The following LDLRAD3 variants were observed in gnomAD, a reference collection of about 807,000 sequenced individuals.
The protein encoded by LDLRAD3 is low density lipoprotein receptor class A domain containing 3, also known as low-density lipoprotein receptor class A domain-containing protein 3.
Under a neutral mutation model 29.4 loss-of-function variants are expected in LDLRAD3, and 20 were observed. The ratio of observed to expected loss-of-function variants is 0.68; its 90% CI spans 0.48 to 0.99. The LOEUF is 0.99. Among genes scored for constraint, LDLRAD3 ranks in the 50% least tolerant of loss-of-function variants. The probability of loss-of-function intolerance (pLI) is 0.00; values close to 1 mark genes in which losing one functional copy is unlikely to be tolerated. For synonymous variants in LDLRAD3, 157 were observed against 192.7 expected, an observed-to-expected ratio of 0.81 and a Z score of 1.53; for missense variants, 420 against 454.3, an observed-to-expected ratio of 0.92 and a Z score of 0.69.
intron 4 of LDLRAD3, among the ~76,000 whole-genome samples, chr11:36,108,943 G>T (rs1853569730): frequency 6.6e-6 from 1 of 152,046 alleles, no homozygotes; most frequent in African/African-American, 2.4e-5. Context: ...ATTACTAAGA[G>T]GAAACATCAG....
intron 1 of LDLRAD3, among the ~76,000 whole-genome samples, chr11:35,955,451 A>G (rs1851189568): frequency 6.6e-6 from 1 of 152,182 alleles, no homozygotes; most frequent in Non-Finnish European, 1.5e-5. Context: ...ATGTAAAGCA[A>G]AATGTTACTC....
intron 1 of LDLRAD3, among the ~76,000 whole-genome samples, chr11:36,023,472 G>A (rs912908503): frequency 2.6e-5 from 4 of 152,172 alleles, no homozygotes; most frequent in African/African-American, 9.7e-5. Flanking sequence ...GCTAGCTCCA[G>A]CACTGCCTTT....
At chr11:36,095,693 A>G (rs571533505) in intron 3 of LDLRAD3, among the ~76,000 whole-genome samples, 5 of 152,212 alleles carry the variant, frequency 3.3e-5, no homozygotes, top group Non-Finnish European at 7.3e-5. Context: ...TCTAAGACTG[A>G]AGGAAAAGTA....
intron 4 of LDLRAD3, among the ~76,000 whole-genome samples, chr11:36,212,982 AG>A (rs911978235): frequency 6.6e-6 from 1 of 152,198 alleles, no homozygotes; most frequent in African/African-American, 2.4e-5. Context: ...GAAAATTTCC[AG>A]GGAAGTGTCT....
intron 1 of LDLRAD3, among the ~76,000 whole-genome samples, chr11:36,009,916 G>A (rs573904265): frequency 3.1e-4 from 47 of 152,212 alleles, no homozygotes; most frequent in Non-Finnish European, 6.3e-4. Flanking sequence ...ACTCATGATC[G>A]GATTCTACTC....
intron 3 of LDLRAD3, among the ~76,000 whole-genome samples, chr11:36,084,453 T>C (rs1272926155): frequency 6.6e-6 from 1 of 152,094 alleles, no homozygotes; most frequent in Non-Finnish European, 1.5e-5. Flanking sequence ...ACCCCATCCC[T>C]ATAAAAATAA....
At chr11:36,152,415 G>A (rs777382700) in intron 4 of LDLRAD3, among the ~76,000 whole-genome samples, 1 of 152,186 alleles carries the variant, frequency 6.6e-6, no homozygotes, top group Non-Finnish European at 1.5e-5. Context: ...CACACAGCTC[G>A]TTAGCGATAG....
At chr11:36,136,859 T>G (rs1854011850) in intron 4 of LDLRAD3, among the ~76,000 whole-genome samples, 1 of 152,036 alleles carries the variant, frequency 6.6e-6, no homozygotes, top group African/African-American at 2.4e-5. Flanking sequence ...GCTGGCTAAT[T>G]TTTGTATTTT....
At chr11:35,960,425 C>T (rs975397673) in intron 1 of LDLRAD3, among the ~76,000 whole-genome samples, 2 of 152,206 alleles carry the variant, frequency 1.3e-5, no homozygotes, top group African/African-American at 4.8e-5. Context: ...TGCACGTTTT[C>T]AACCTGAGTA....
intron 1 of LDLRAD3, among the ~76,000 whole-genome samples, chr11:35,954,372 C>G (rs80288397): frequency 0.011 from 1,687 of 152,276 alleles, 53 homozygotes; most frequent in East Asian, 0.11. Flanking sequence ...GAATTCTTCT[C>G]TTTTCCTGTG....
At chr11:36,224,010 G>A (rs1019458825) in intron 4 of LDLRAD3, among the ~76,000 whole-genome samples, 1 of 151,202 alleles carries the variant, frequency 6.6e-6, no homozygotes, top group East Asian at 1.9e-4. Flanking sequence ...AAGCGCCACT[G>A]AACTGTGCAC....
At chr11:36,028,189 A>C (rs1852191607) in intron 1 of LDLRAD3, among the ~76,000 whole-genome samples, 1 of 152,240 alleles carries the variant, frequency 6.6e-6, no homozygotes, top group Admixed American at 6.5e-5. Flanking sequence ...CTGTTTAGAT[A>C]AATTCACAGA....
intron 2 of LDLRAD3, among the ~76,000 whole-genome samples, chr11:36,050,825 A>G (rs1032856576): frequency 2.0e-5 from 3 of 152,152 alleles, no homozygotes; most frequent in African/African-American, 7.2e-5. Context: ...TATTTCTCTC[A>G]GTTCTGGAGT....
intron 4 of LDLRAD3, among the ~76,000 whole-genome samples, chr11:36,194,670 C>T (rs1855005835): frequency 6.6e-6 from 1 of 152,176 alleles, no homozygotes; most frequent in Admixed American, 6.5e-5. Flanking sequence ...TCTTAGAACT[C>T]AACCATACCC....
intron 4 of LDLRAD3, among the ~76,000 whole-genome samples, chr11:36,153,163 C>A (rs1854300338): frequency 6.6e-6 from 1 of 151,900 alleles, no homozygotes; most frequent in African/African-American, 2.4e-5. Flanking sequence ...GAGAGATGCC[C>A]AGCATAGTCG....
chr11:35,981,207 C>T (rs924816903), intron 1 of LDLRAD3, among the ~76,000 whole-genome samples: 1 of 20,176 alleles, frequency 5.0e-5, no homozygotes, highest in South Asian at 2.0e-3. Context: ...GGGCAGCGGG[C>T]GGGGGTTGGG....
intron 4 of LDLRAD3, among the ~76,000 whole-genome samples, chr11:36,111,383 T>C (rs1444703405): frequency 6.6e-6 from 1 of 152,076 alleles, no homozygotes; most frequent in East Asian, 1.9e-4. Flanking sequence ...TTGAAAAACT[T>C]ACCTGGGTTA....
chr11:36,110,643 T>C (rs1347699023), intron 4 of LDLRAD3, among the ~76,000 whole-genome samples: 1 of 152,226 alleles, frequency 6.6e-6, no homozygotes, highest in Non-Finnish European at 1.5e-5. Flanking sequence ...CATTCGTTCA[T>C]GCACACATCA....
chr11:36,006,894 G>A (rs1851892063), intron 1 of LDLRAD3, among the ~76,000 whole-genome samples: 1 of 152,196 alleles, frequency 6.6e-6, no homozygotes, highest in Admixed American at 6.5e-5. Flanking sequence ...TTCCTGCAGG[G>A]GAAGTCGCAC....
Sources: gnomAD v4.1 joint callset for allele counts (sites outside exome capture counted in the v4.1 genomes callset) on GRCh38, gnomAD v4.1.1 for gene constraint, MANE v1.5 for transcripts, NCBI Gene and HGNC (gene_info 2026-07-23, HGNC 2026-07-21) for gene names.